ARHGAP11A: variants seen among roughly 807,000 people sequenced by gnomAD.
ARHGAP11A encodes rho GTPase-activating protein 11A.
Under a neutral mutation model 60.5 loss-of-function variants are expected in ARHGAP11A, and 36 were observed. The observed-to-expected ratio is 0.59, with a 90% confidence interval of 0.46 to 0.79. The LOEUF (loss-of-function observed/expected upper bound fraction) is 0.79, where lower values mean the gene tolerates loss of function less well. Ranked by LOEUF, ARHGAP11A falls within the 30% of genes least tolerant of loss-of-function variation. ARHGAP11A has a pLI of 0.00. For synonymous variants in ARHGAP11A, 362 were observed against 415.5 expected, an observed-to-expected ratio of 0.87 and a Z score of 1.57; for missense variants, 1,071 against 1,199.2, an observed-to-expected ratio of 0.89 and a Z score of 1.58.
rs763168810 is a variant in ARHGAP11A at position 32,636,475 on chromosome 15, C to A, written c.1702C>A (p.Pro568Thr). 2 of 1,613,822 alleles carry A rather than the reference C, an allele frequency of 1.2e-6. No homozygotes were observed. Among genetic ancestry groups the A allele is most frequent in the South Asian group, 1.1e-5 (1 of 91,044 alleles). The change falls in exon 12 of 12, where the codon CCT becomes ACT. Residue 568 changes from proline to threonine, a missense_variant. By Grantham distance (38) the Pro-to-Thr change is conservative (BLOSUM62 -1). Coordinates refer to ENST00000361627, the MANE Select transcript of ARHGAP11A (RefSeq NM_014783.6). ...ACCTGCTACTTCATGTGAACTCACC[C>A]CTTCCAATTTAAACAATAAGCATAA... ...KSPATSCELT[P>T]SNLNNKHNSN...
At chr15:32,631,152 T>C (rs2053574223) in intron 8 of ARHGAP11A, among the ~76,000 whole-genome samples, 2 of 152,208 alleles carry the variant, frequency 1.3e-5, no homozygotes, top group South Asian at 4.1e-4. Flanking sequence ...TGACCCTACT[T>C]TCTCAGCCAC....
chr15:32,639,115 CTAAATT>C lies in ARHGAP11A; in HGVS notation c.*1273_*1278del, dbSNP rs1331689907. ...GCACCAAATTGTCAAGTAAATCTGT[CTAAATT>C]TATATTTTAAATTATTACAAATTAC... On this transcript the variant is annotated 3_prime_UTR_variant, in exon 12 of 12. Coordinates refer to ENST00000361627, the MANE Select transcript of ARHGAP11A (RefSeq NM_014783.6). 1 of 152,524 alleles carries C rather than the reference CTAAATT, an allele frequency of 6.6e-6. No homozygotes were observed. The highest frequency in any genetic ancestry group is 1.5e-5 in the Non-Finnish European group (1 of 68,026). The allele number at this position is 152,524 out of a possible 1,614,324, so 9.4% of individuals were successfully genotyped here.
chr15:32,629,813 T>G, intron 8 of ARHGAP11A, 51 bp downstream of exon 8: 2 of 1,321,102 alleles, frequency 1.5e-6, no homozygotes, highest in Non-Finnish European at 1.0e-6. Flanking sequence ...AATGAGTGCC[T>G]ATTCTGGGCA....
chr15:32,636,647 G>C lies in ARHGAP11A; in HGVS notation c.1874G>C (p.Gly625Ala). The C allele has an allele frequency of 6.2e-7, 1 of 1,613,690 alleles. No homozygotes were observed. The highest frequency in any genetic ancestry group is 8.5e-7 in the Non-Finnish European group (1 of 1,179,910). Residue 625 changes from glycine (G) to alanine (A), a missense_variant, in exon 12 of 12, where the codon GGG becomes GCG. Around this residue, in one of 4 missense-constraint regions of ARHGAP11A, gnomAD observed 776 missense variants for 760.2 expected, o/e 1.02. Coordinates refer to ENST00000361627, the MANE Select transcript of ARHGAP11A (RefSeq NM_014783.6). ...AGGCAGTCATCAGTAACTAATGTGG[G>C]GAAAGTAAAATTAACTGAACCATCT... Reference protein sequence around the residue: ...NQRQSSVTNVGKVKLTEPSYL... With the variant: ...NQRQSSVTNVAKVKLTEPSYL...
intron 1 of ARHGAP11A, among the ~76,000 whole-genome samples, chr15:32,616,656 G>T (rs1190682253): frequency 6.6e-6 from 1 of 152,164 alleles, no homozygotes; most frequent in Non-Finnish European, 1.5e-5. Context: ...CGGGATGTCT[G>T]TCTTTTACCC....
At chr15:32,617,471 CTTTTTTT>C (rs1168851603) in intron 1 of ARHGAP11A, among the ~76,000 whole-genome samples, 1 of 102,010 alleles carries the variant, frequency 9.8e-6, no homozygotes, top group Non-Finnish European at 1.9e-5. Flanking sequence ...TTTTCTTTTC[CTTTTTTT>C]TTTTTTTTTT....
chr15:32,637,242 T>C lies in ARHGAP11A; in HGVS notation c.2469T>C (p.Asn823=), dbSNP rs1477236077. 9.9e-6 allele frequency: 16 copies of C among 1,614,062 alleles called. No homozygotes were observed. Among genetic ancestry groups the C allele is most frequent in the Non-Finnish European group, 5.9e-6 (7 of 1,180,028 alleles). The change falls in exon 12 of 12, where the codon AAT becomes AAC. Residue 823 remains asparagine (N), a synonymous_variant. Coordinates refer to ENST00000361627, the MANE Select transcript of ARHGAP11A (RefSeq NM_014783.6). ...WFNKLSLNEP[N]RIKVKSPLKF... ...ACAAGCTTTCTTTAAATGAACCAAA[T>C]AGAATAAAAGTCAAGTCACCTCTTA...
At chr15:32,635,182 A>T (rs1232620390) in intron 10 of ARHGAP11A, among the ~76,000 whole-genome samples, 1 of 152,118 alleles carries the variant, frequency 6.6e-6, no homozygotes, top group East Asian at 1.9e-4. Flanking sequence ...CCAGTCTCAG[A>T]GACTGCACTG....
rs570927659 is a variant in ARHGAP11A at position 32,632,987 on chromosome 15, G to A, written c.1114G>A (p.Asp372Asn). 4 of 1,611,906 alleles carry A rather than the reference G, an allele frequency of 2.5e-6. No individual in the cohort carries two copies. The highest frequency in any genetic ancestry group is 2.2e-5 in the East Asian group (1 of 44,846). The change falls in exon 9 of 12, where the codon GAT becomes AAT. Residue 372 changes from aspartate to asparagine, a missense_variant. Transcript: ENST00000361627. ...SSSTPVSVHI[D>N]TSSEGSSQSS... The stretch of plus-strand genomic sequence containing the variant: ...TGTGGTTATTTTTGTAGTTCACATC[G>A]ATACAAGCTCAGAAGGGTCATCTCA...
Position 32,636,544 on chromosome 15 carries a change from A to G in ARHGAP11A, c.1771A>G (p.Met591Val), listed in dbSNP as rs780887436. 1.2e-6 allele frequency: 2 copies of G among 1,614,130 alleles called. No homozygotes were observed. The highest frequency in any genetic ancestry group is 1.7e-5 in the Admixed American group (1 of 60,026). ...SSPLSGDENN[M>V]TKETLVKVQK... Reference sequence around the variant, plus strand: ...CCCTCTTAGCGGGGATGAAAATAACATGACCAAAGAGACTTTGGTGAAAGT... The same window carrying G: ...CCCTCTTAGCGGGGATGAAAATAACGTGACCAAAGAGACTTTGGTGAAAGT... Residue 591 changes from methionine to valine, a missense_variant, in exon 12 of 12, where the codon ATG becomes GTG. Transcript: ENST00000361627.
At chr15:32,629,941 A>AGTGTGTGTGTGTGTGTGTGTGT (rs376208322) in intron 8 of ARHGAP11A, among the ~76,000 whole-genome samples, 179 bp downstream of exon 8, 7 of 101,702 alleles carry the variant, frequency 6.9e-5, no homozygotes, top group Non-Finnish European at 1.2e-4. Flanking sequence ...GTTTCAATAT[A>AGTGTGTGTGTGTGTGTGTGTGT]GTGTGTGTGT....
In ARHGAP11A at chr15:32,633,047, C is replaced by G. The variant is rs1369130363; in HGVS notation, c.1174C>G (p.His392Asp). 1 of 1,613,968 alleles carries G rather than the reference C, an allele frequency of 6.2e-7. No individual in the cohort carries two copies. The highest frequency in any genetic ancestry group is 8.5e-7 in the Non-Finnish European group (1 of 1,179,988). ...CTCTCCTGTACTCATTGGTGGAAAC[C>G]ATTTGATCACTGCAGGTGTGCCAAG... ...SLSPVLIGGN[H>D]LITAGVPRRS... The change falls in exon 9 of 12, where the codon CAT becomes GAT. Residue 392 changes from histidine (H) to aspartate (D), a missense_variant. Physicochemically the swap from His to Asp is moderately conservative, Grantham distance 81 (BLOSUM62 -1). This residue lies in a region of ARHGAP11A where 776 missense variants were observed against 760.2 expected (regional missense o/e 1.02). Transcript: ENST00000361627.
intron 2 of ARHGAP11A, among the ~76,000 whole-genome samples, chr15:32,622,586 T>C (rs909189050): frequency 1.3e-5 from 2 of 152,160 alleles, no homozygotes; most frequent in Admixed American, 1.3e-4. Flanking sequence ...ATTCAGCCAC[T>C]GTGCACCAAT....
chr15:32,620,708 C>A lies in ARHGAP11A; in HGVS notation c.200+530C>A, dbSNP rs192502721. 1.0e-3 allele frequency among the ~76,000 whole-genome samples: 158 copies of A among 152,102 alleles called. 1 individual carries two copies. Among genetic ancestry groups the A allele is most frequent in the African/African-American group, 3.7e-3 (153 of 41,470 alleles). On this transcript the variant is annotated intron_variant, in intron 2 of 11. Transcript: ENST00000361627. The stretch of plus-strand genomic sequence containing the variant: ...CAGTTCTATGTGAATTCTTTTGCCA[C>A]AACTCAGATTAAGTAATATACTGAC...
chr15:32,624,864 A>AAAAACTTT (rs1304790104), intron 4 of ARHGAP11A, among the ~76,000 whole-genome samples: 8 of 151,800 alleles, frequency 5.3e-5, no homozygotes, highest in Non-Finnish European at 1.0e-4. Context: ...TATGAACTCT[A>AAAAACTTT]AGATTAGCAT....
intron 8 of ARHGAP11A, 86 bp downstream of exon 8, chr15:32,629,848 C>A (rs1160622172): frequency 1.2e-6 from 1 of 866,114 alleles, no homozygotes. Flanking sequence ...ATTAATAATA[C>A]CACCCTTAGG....
Position 32,637,877 on chromosome 15 carries a change from A to G in ARHGAP11A, c.*32A>G, listed in dbSNP as rs1229001247. On this transcript the variant is annotated 3_prime_UTR_variant, in exon 12 of 12. Coordinates refer to ENST00000361627, the MANE Select transcript of ARHGAP11A (RefSeq NM_014783.6). ...AATGTTATACTTGTCATTAATGTAA[A>G]TAAAGTGAGTAATTGGTATGACTTG... is the stretch of plus-strand genomic sequence containing the variant. 6.6e-7 allele frequency: 1 copy of G among 1,504,610 alleles called. No individual in the cohort carries two copies. Among genetic ancestry groups the G allele is most frequent in the South Asian group, 1.3e-5 (1 of 75,376 alleles). 93.2% of individuals were successfully genotyped at this position (1,504,610 alleles called of 1,614,324 possible).
In ARHGAP11A at chr15:32,636,387, T is replaced by C. The variant is rs1308631344; in HGVS notation, c.1614T>C (p.Ser538=). 3 of 1,614,012 alleles carry C rather than the reference T, an allele frequency of 1.9e-6. No individual in the cohort carries two copies. The highest frequency in any genetic ancestry group is 1.3e-5 in the African/African-American group (1 of 74,938). ...AAGAAGTAGATGCAAATGAAGCTTC[T>C]TCAATGGTGGAAAATCTTGAGGTAG... The part of the protein sequence containing the change: ...SFQEVDANEA[S]SMVENLEVEN... The change falls in exon 12 of 12, where the codon TCT becomes TCC. Residue 538 remains serine, a synonymous_variant. Transcript: ENST00000361627.
At chr15:32,618,825 G>C (rs527513953) in intron 1 of ARHGAP11A, among the ~76,000 whole-genome samples, 1 of 142,734 alleles carries the variant, frequency 7.0e-6, no homozygotes, top group East Asian at 2.1e-4. Flanking sequence ...GGTGGCGGGC[G>C]CCTGTAGTCC....
Sources: gnomAD v4.1 joint callset for allele counts (sites outside exome capture counted in the v4.1 genomes callset) on GRCh38, gnomAD v4.1.1 for gene constraint, gnomAD v4.1.1 regional missense constraint, MANE v1.5 for transcripts, NCBI Gene and HGNC (gene_info 2026-07-23, HGNC 2026-07-21) for gene names.